Variants in NTM observed in about 807,000 individuals in gnomAD.
The protein encoded by NTM is neurotrimin, also known as IgLON family member 2.
NTM carries 13 observed loss-of-function variants against 42.1 expected under a neutral mutation model. The observed-to-expected ratio is 0.31, with a 90% CI of 0.20 to 0.49. NTM has a LOEUF of 0.49. NTM is among the 20% of genes least tolerant of loss of function. The pLI, the probability that NTM is intolerant of heterozygous loss-of-function variation, is 0.99. For missense variants in NTM, 373 were observed against 452.8 expected, an observed-to-expected ratio of 0.82 and a Z score of 1.60; for synonymous variants, 187 against 179.2, an observed-to-expected ratio of 1.04 and a Z score of -0.35.
At chr11:132,248,111 C>T (rs1392057880) in intron 4 of NTM, among the ~76,000 whole-genome samples, 2 of 152,180 alleles carry the variant, frequency 1.3e-5, no homozygotes, top group Non-Finnish European at 2.9e-5. Flanking sequence ...TTTAATTCTA[C>T]CCCTTGTGAC....
At chr11:131,935,402 T>G (rs2059103048) in intron 2 of NTM, among the ~76,000 whole-genome samples, 1 of 152,200 alleles carries the variant, frequency 6.6e-6, no homozygotes, top group Non-Finnish European at 1.5e-5. Context: ...CTTTTCCTAC[T>G]TCACTTATGA....
chr11:131,534,680 A>G (rs2051861644), intron 1 of NTM: 1 of 152,234 alleles, frequency 6.6e-6, no homozygotes, highest in Non-Finnish European at 1.5e-5. Flanking sequence ...TGGAAGAAAA[A>G]AAGAAACTTT....
intron 1 of NTM, among the ~76,000 whole-genome samples, chr11:131,425,841 T>C (rs1181717178): frequency 6.6e-6 from 1 of 152,140 alleles, no homozygotes; most frequent in East Asian, 1.9e-4. Context: ...AATGGGTCTT[T>C]CGGTAAGTTC....
At chr11:131,760,046 T>C (rs547095641) in intron 1 of NTM, among the ~76,000 whole-genome samples, 34 of 151,492 alleles carry the variant, frequency 2.2e-4, no homozygotes, top group African/African-American at 8.0e-4. Context: ...GGAGGGAAAA[T>C]GGTGTTTGGG....
chr11:132,310,639 G>T (rs1013410726), intron 6 of NTM, among the ~76,000 whole-genome samples: 15 of 152,160 alleles, frequency 9.9e-5, no homozygotes, highest in Non-Finnish European at 4.4e-5. Flanking sequence ...TGGCTAATAA[G>T]TTAGCTGCAG....
intron 1 of NTM, among the ~76,000 whole-genome samples, chr11:131,756,172 G>C (rs980017608): frequency 1.3e-5 from 2 of 152,188 alleles, no homozygotes; most frequent in African/African-American, 4.8e-5. Context: ...GGTAGGAAGG[G>C]GGAAGTCATG....
intron 2 of NTM, among the ~76,000 whole-genome samples, chr11:131,972,847 G>A (rs1322644860): frequency 6.6e-6 from 1 of 152,056 alleles, no homozygotes; most frequent in Non-Finnish European, 1.5e-5. Context: ...TGTGATTTTG[G>A]GCCACTGTTG....
At chr11:131,942,440 G>A (rs2059895888) in intron 2 of NTM, among the ~76,000 whole-genome samples, 1 of 152,110 alleles carries the variant, frequency 6.6e-6, no homozygotes, top group Non-Finnish European at 1.5e-5. Context: ...GGCCAGTCCT[G>A]GAAGCAGCAC....
At chr11:131,819,443 C>CTCACTCAT (rs1238421895) in intron 1 of NTM, among the ~76,000 whole-genome samples, 1 of 152,210 alleles carries the variant, frequency 6.6e-6, no homozygotes. Context: ...CACATACCCG[C>CTCACTCAT]TCACTCATTC....
At chr11:131,371,497 C>A (rs1299344143) in intron 1 of NTM, among the ~76,000 whole-genome samples, 4 of 151,438 alleles carry the variant, frequency 2.6e-5, no homozygotes, top group Non-Finnish European at 5.9e-5. Flanking sequence ...GGTGTGGAAG[C>A]GAGGGGAGCC....
Position 132,080,323 on chromosome 11 carries a change from G to A in NTM, c.168-65959G>A, listed in dbSNP as rs371787774. On this transcript the variant is annotated intron_variant, in intron 2 of 8. Transcript: ENST00000683400. ...TCACTGCAGCAGGCATCCACCAGCT[G>A]TGCCCACATGGCCCACTCAGCTGGG... 8.5e-5 allele frequency among the ~76,000 whole-genome samples: 13 copies of A among 152,326 alleles called. No individual in the cohort carries two copies. The East Asian group carries it at 1.2e-3, about 14-fold the overall frequency.
At chr11:132,309,956 T>C in intron 5 of NTM, 156 bp from the exon 6 acceptor site, 1 of 475,668 alleles carries the variant, frequency 2.1e-6, no homozygotes, top group Non-Finnish European at 2.7e-6. Flanking sequence ...CTTGGGAAGC[T>C]GATGCAGGAG....
At chr11:131,945,059 G>A (rs775188931) in intron 2 of NTM, among the ~76,000 whole-genome samples, 1 of 152,128 alleles carries the variant, frequency 6.6e-6, no homozygotes, top group African/African-American at 2.4e-5. Context: ...TTTTGGTTTT[G>A]TTTTATTTTC....
intron 2 of NTM, among the ~76,000 whole-genome samples, chr11:131,948,137 T>C (rs1253373307): frequency 1.3e-5 from 2 of 151,948 alleles, no homozygotes; most frequent in Admixed American, 6.6e-5. Flanking sequence ...CGAGGTGGGC[T>C]GATCACGAGG....
chr11:132,033,861 A>G (rs528759146), intron 2 of NTM, among the ~76,000 whole-genome samples: 1 of 152,256 alleles, frequency 6.6e-6, no homozygotes, highest in Non-Finnish European at 1.5e-5. Flanking sequence ...AAAGAATCTC[A>G]TATTCTTTAT....
chr11:132,279,248 C>T (rs1199251672), intron 4 of NTM, among the ~76,000 whole-genome samples: 1 of 152,206 alleles, frequency 6.6e-6, no homozygotes, highest in Non-Finnish European at 1.5e-5. Context: ...CTGTCCATTT[C>T]CACAGCCACT....
chr11:132,024,819 T>C (rs189807186), intron 2 of NTM, among the ~76,000 whole-genome samples: 59 of 152,294 alleles, frequency 3.9e-4, no homozygotes, highest in African/African-American at 1.4e-3. Flanking sequence ...TCTTACTCAT[T>C]TGTCTGTCAG....
intron 4 of NTM, among the ~76,000 whole-genome samples, chr11:132,260,681 A>G (rs1011725204): frequency 6.6e-6 from 1 of 152,218 alleles, no homozygotes; most frequent in South Asian, 2.1e-4. Flanking sequence ...TTTATTCACA[A>G]TCTGGCCAAA....
intron 1 of NTM, among the ~76,000 whole-genome samples, chr11:131,445,213 TC>T (rs1194670186): frequency 2.4e-4 from 36 of 152,318 alleles, no homozygotes; most frequent in African/African-American, 8.2e-4. Context: ...ATTGTATTTC[TC>T]CTGTGGCATT....
Sources: gnomAD v4.1 joint callset for allele counts (sites outside exome capture counted in the v4.1 genomes callset) on GRCh38, gnomAD v4.1.1 for gene constraint, MANE v1.5 for transcripts, NCBI Gene and HGNC (gene_info 2026-07-23, HGNC 2026-07-21) for gene names.